MARCHF11: variants seen among roughly 807,000 people sequenced by gnomAD.
MARCHF11 encodes the protein membrane associated ring-CH-type finger 11, also known as E3 ubiquitin-protein ligase MARCHF11.
Under a neutral mutation model 37.3 loss-of-function variants are expected in MARCHF11, and 29 were observed. The observed-to-expected ratio is 0.78, with a 90% CI of 0.58 to 1.06. MARCHF11 has a LOEUF of 1.06. MARCHF11 is among the 50% of genes least tolerant of loss of function. The probability of loss-of-function intolerance (pLI) is 0.00; values close to 1 mark genes in which losing one functional copy is unlikely to be tolerated. For missense variants in MARCHF11, 482 were observed against 533.4 expected (o/e 0.90, Z 0.95); for synonymous variants, 233 against 228.0 (o/e 1.02, Z -0.20).
intron 2 of MARCHF11, among the ~76,000 whole-genome samples, chr5:16,096,035 G>A (rs993417893): frequency 1.3e-5 from 2 of 152,202 alleles, no homozygotes; most frequent in Non-Finnish European, 2.9e-5. Context: ...TAGTCAAGAA[G>A]TGAGAACTCA....
intron 2 of MARCHF11, among the ~76,000 whole-genome samples, chr5:16,144,444 A>C (rs1737769289): frequency 6.6e-6 from 1 of 152,172 alleles, no homozygotes; most frequent in African/African-American, 2.4e-5. Context: ...TAACAGCATC[A>C]CTATGCAGAA....
At chr5:16,132,056 C>A (rs2126584913) in intron 2 of MARCHF11, among the ~76,000 whole-genome samples, 1 of 152,336 alleles carries the variant, frequency 6.6e-6, no homozygotes, top group Middle Eastern at 3.4e-3. Flanking sequence ...TGATCCAGAG[C>A]CCCATGGCAA....
At chr5:16,079,913 G>A (rs567377420) in intron 3 of MARCHF11, among the ~76,000 whole-genome samples, 376 of 152,184 alleles carry the variant, frequency 2.5e-3, no homozygotes, top group Admixed American at 4.9e-3. Flanking sequence ...CTGGGCTCTC[G>A]TCTCTTCAGT....
At chr5:16,147,292 C>T (rs1454585815) in intron 2 of MARCHF11, among the ~76,000 whole-genome samples, 4 of 152,056 alleles carry the variant, frequency 2.6e-5, no homozygotes, top group African/African-American at 9.7e-5. Flanking sequence ...GTGCTTTTTC[C>T]ATGTGTCACT....
chr5:16,114,558 G>A (rs377533786), intron 2 of MARCHF11, among the ~76,000 whole-genome samples: 4 of 152,080 alleles, frequency 2.6e-5, no homozygotes, highest in African/African-American at 9.7e-5. Context: ...TGGTGCAGTG[G>A]TAATCTTCCC....
chr5:16,148,146 A>G (rs1231998678), intron 2 of MARCHF11, among the ~76,000 whole-genome samples: 1 of 152,108 alleles, frequency 6.6e-6, no homozygotes, highest in Non-Finnish European at 1.5e-5. Context: ...TCAACAGCAT[A>G]TCCATTTAAT....
chr5:16,086,748 T>C (rs1185102858), intron 3 of MARCHF11, among the ~76,000 whole-genome samples: 1 of 152,228 alleles, frequency 6.6e-6, no homozygotes, highest in Non-Finnish European at 1.5e-5. Flanking sequence ...ATAAATCCTG[T>C]CATCACATGG....
intron 2 of MARCHF11, 118 bp from the exon 3 acceptor site, chr5:16,091,199 C>A (rs745893838): frequency 8.5e-6 from 6 of 703,322 alleles, no homozygotes; most frequent in African/African-American, 1.8e-5. Flanking sequence ...TCTGATGAGA[C>A]CCCAAATGAA....
At chr5:16,176,903 T>C (rs939080273) in intron 2 of MARCHF11, among the ~76,000 whole-genome samples, 1 of 152,174 alleles carries the variant, frequency 6.6e-6, no homozygotes, top group East Asian at 1.9e-4. Context: ...TATGTCTACT[T>C]AACTTCAGCC....
rs1273960311 is a variant in MARCHF11, at chr5:16,121,132, C to G, written c.694-30051G>C. ...CTATTCCTGATAATAGCATCCCTCACACAGACAGCCAACATGTATCACTCC... is the reference window on the plus strand; with the variant it reads ...CTATTCCTGATAATAGCATCCCTCAGACAGACAGCCAACATGTATCACTCC... On this transcript the variant is annotated intron_variant, in intron 2 of 3. Transcript: ENST00000332432. Among the ~76,000 whole-genome samples, 6 of 152,298 alleles carry G rather than the reference C, an allele frequency of 3.9e-5. No individual in the cohort carries two copies. The East Asian group carries it at 1.2e-3, about 29-fold the overall frequency.
intron 2 of MARCHF11, among the ~76,000 whole-genome samples, chr5:16,172,818 T>C (rs943653149): frequency 6.6e-6 from 1 of 152,168 alleles, no homozygotes; most frequent in African/African-American, 2.4e-5. Flanking sequence ...AAGTTCTATG[T>C]ATGTATGTCT....
At position 16,081,398 on chromosome 5, in the gene MARCHF11, G is replaced by C. The variant is rs11955761; in HGVS notation, c.886+9491C>G. The stretch of plus-strand genomic sequence containing the variant: ...GCATCCCGGTACAACTTTATCCAAA[G>C]GCACCAAAGTTTAAATTTGCTACAA... On this transcript the variant is annotated intron_variant, in intron 3 of 3. Transcript: ENST00000332432. 3.3e-3 allele frequency among the ~76,000 whole-genome samples: 499 copies of C among 152,270 alleles called. 3 individuals are homozygous for C. Among genetic ancestry groups the C allele is most frequent in the African/African-American group, 0.011 (457 of 41,542 alleles).
At chr5:16,113,828 C>G (rs1159125663) in intron 2 of MARCHF11, among the ~76,000 whole-genome samples, 4 of 152,142 alleles carry the variant, frequency 2.6e-5, no homozygotes, top group Admixed American at 2.6e-4. Flanking sequence ...CAATATATTG[C>G]TGTTAAGTAC....
chr5:16,080,013 C>T (rs11133829), intron 3 of MARCHF11, among the ~76,000 whole-genome samples: 60,035 of 151,932 alleles, frequency 0.4, 12,789 homozygotes, highest in East Asian at 0.64. Flanking sequence ...CATCCACCCA[C>T]GCCTAACACT....
At chr5:16,101,711 T>C (rs1204274417) in intron 2 of MARCHF11, among the ~76,000 whole-genome samples, 1 of 152,212 alleles carries the variant, frequency 6.6e-6, no homozygotes, top group Non-Finnish European at 1.5e-5. Flanking sequence ...CCACCAGGAG[T>C]TGAAAGCTAC....
At chr5:16,081,040 G>A (rs1049134947) in intron 3 of MARCHF11, among the ~76,000 whole-genome samples, 3 of 151,998 alleles carry the variant, frequency 2.0e-5, no homozygotes, top group African/African-American at 4.8e-5. Context: ...GACTTCATAC[G>A]TTACTAGGTC....
intron 2 of MARCHF11, among the ~76,000 whole-genome samples, chr5:16,118,278 G>T (rs948457705): frequency 6.6e-6 from 1 of 152,300 alleles, no homozygotes; most frequent in Admixed American, 6.5e-5. Flanking sequence ...CAAGCTAATC[G>T]GGGAACCAAT....
chr5:16,135,841 A>G, intron 2 of MARCHF11, among the ~76,000 whole-genome samples: 1 of 151,452 alleles, frequency 6.6e-6, no homozygotes, highest in Middle Eastern at 3.4e-3. Context: ...AGACCACAGG[A>G]AAGAAAGGAA....
chr5:16,176,626 C>T (rs1003223735), intron 2 of MARCHF11, among the ~76,000 whole-genome samples: 5 of 152,082 alleles, frequency 3.3e-5, no homozygotes, highest in African/African-American at 1.2e-4. Context: ...ATCAGATATG[C>T]AAATTAATTG....
Sources: allele counts gnomAD v4.1 joint callset (sites outside exome capture counted in the v4.1 genomes callset), GRCh38; gene constraint gnomAD v4.1.1; transcripts MANE v1.5; gene names NCBI Gene and HGNC (gene_info 2026-07-23, HGNC 2026-07-21).